RYR2: variants seen among roughly 807,000 people sequenced by gnomAD.
RYR2 encodes cardiac muscle ryanodine receptor-calcium release channel.
A neutral mutation model predicts 601.1 loss-of-function variants in RYR2; 227 were observed. The ratio of observed to expected loss-of-function variants is 0.38; its 90% CI spans 0.34 to 0.42. The LOEUF is 0.42. Ranked by LOEUF, RYR2 falls within the 10% of genes least tolerant of loss-of-function variation. RYR2 has a pLI of 1.00. For missense variants in RYR2, 4,646 were observed against 6,156.5 expected, an observed-to-expected ratio of 0.75 and a Z score of 8.21; for synonymous variants, 2,223 against 2,175.1, an observed-to-expected ratio of 1.02 and a Z score of -0.61.
intron 1 of RYR2, among the ~76,000 whole-genome samples, chr1:237,072,214 G>C (rs1664440058): frequency 6.6e-6 from 1 of 152,230 alleles, no homozygotes; most frequent in Non-Finnish European, 1.5e-5. Context: ...CGCCCCGGTT[G>C]TGCCTCCCCC....
chr1:237,506,469 C>A (rs1029890299), intron 22 of RYR2, among the ~76,000 whole-genome samples: 4 of 150,722 alleles, frequency 2.7e-5, no homozygotes, highest in Non-Finnish European at 4.4e-5. Context: ...ACCCGAGAGG[C>A]GGAGCTTGCA....
chr1:237,100,840 G>T (rs1668005447), intron 1 of RYR2, among the ~76,000 whole-genome samples: 1 of 152,106 alleles, frequency 6.6e-6, no homozygotes, highest in East Asian at 1.9e-4. Flanking sequence ...AGTTATCCCG[G>T]CCCCTGGGAA....
chr1:237,129,320 G>A lies in RYR2; in HGVS notation c.48+86751G>A, dbSNP rs571827994. On this transcript the variant is annotated intron_variant, in intron 1 of 104. Coordinates refer to ENST00000366574, the MANE Select transcript of RYR2 (RefSeq NM_001035.3). The stretch of plus-strand genomic sequence containing the variant: ...TTTTGGACACATATTCCTGTTGAAG[G>A]CAACCAAGAAGCCCAGATAAAGTCT... Among the ~76,000 whole-genome samples, 24 of 152,294 alleles carry A rather than the reference G, an allele frequency of 1.6e-4. No individual in the cohort carries two copies. In the East Asian group the frequency reaches 3.9e-3, roughly 24 times the overall value.
intron 99 of RYR2, 142 bp from the exon 100 acceptor site, chr1:237,808,759 T>G: frequency 3.2e-6 from 2 of 630,430 alleles, no homozygotes; most frequent in Non-Finnish European, 5.5e-6. Flanking sequence ...CTAAGAAAGG[T>G]GAGAAATAAG....
Position 237,355,296 on chromosome 1 carries a change from G to A in RYR2, c.274-669G>A, listed in dbSNP as rs528596441. 1.1e-4 allele frequency among the ~76,000 whole-genome samples: 16 copies of A among 152,174 alleles called. No homozygotes were observed. The East Asian group carries it at 1.2e-3, about 11-fold the overall frequency. On this transcript the variant is annotated intron_variant, in intron 3 of 104. Transcript: ENST00000366574. ...ATTTATTTGCAAGGAATCCTAGGGC[G>A]TTGTAGAGACAGTCTTTGTTGACAT... is the stretch of plus-strand genomic sequence containing the variant.
intron 80 of RYR2, among the ~76,000 whole-genome samples, chr1:237,755,819 C>T (rs1692904635): frequency 6.6e-6 from 1 of 152,148 alleles, no homozygotes; most frequent in South Asian, 2.1e-4. Flanking sequence ...TTCAATTTTA[C>T]TTAAACTTCA....
intron 1 of RYR2, among the ~76,000 whole-genome samples, chr1:237,176,242 G>GAA (rs143853577): frequency 0.018 from 2,513 of 140,204 alleles, 53 homozygotes; most frequent in African/African-American, 0.043. Flanking sequence ...GTCTCTTAAT[G>GAA]AAAAAAATAT....
chr1:237,660,362 A>G (rs1683663657), intron 55 of RYR2, among the ~76,000 whole-genome samples: 1 of 151,774 alleles, frequency 6.6e-6, no homozygotes, highest in African/African-American at 2.4e-5. Context: ...AAATCTTCTT[A>G]TCATGCTTAA....
intron 14 of RYR2, among the ~76,000 whole-genome samples, chr1:237,453,341 A>G (rs986163432): frequency 6.6e-6 from 1 of 152,150 alleles, no homozygotes; most frequent in African/African-American, 2.4e-5. Flanking sequence ...GCTGAAATCA[A>G]ATATTCCAAA....
At chr1:237,496,838 G>A in intron 20 of RYR2, 86 bp downstream of exon 20, 1 of 1,458,898 alleles carries the variant, frequency 6.9e-7, no homozygotes, top group Non-Finnish European at 9.3e-7. Flanking sequence ...CTTCCATTAG[G>A]TACTTCTATA....
At position 237,256,114 on chromosome 1, in the gene RYR2, G is replaced by A. The variant is rs185716625; in HGVS notation, c.49-14383G>A. Among the ~76,000 whole-genome samples, 589 of 152,052 alleles carry A rather than the reference G, an allele frequency of 3.9e-3. 4 individuals are homozygous for A. Among genetic ancestry groups the A allele is most frequent in the African/African-American group, 0.013 (541 of 41,446 alleles). Reference sequence around the variant, plus strand: ...TCAGTGGGAGATAATTGAATCATAGGGGCAGTTTCCCCCATACTGTTATGG... The same window carrying A: ...TCAGTGGGAGATAATTGAATCATAGAGGCAGTTTCCCCCATACTGTTATGG... On this transcript the variant is annotated intron_variant, in intron 1 of 104. Coordinates refer to ENST00000366574, the MANE Select transcript of RYR2 (RefSeq NM_001035.3).
At chr1:237,566,884 T>C (rs1672143062) in intron 28 of RYR2, 109 bp downstream of exon 28, 3 of 1,093,272 alleles carry the variant, frequency 2.7e-6, no homozygotes, top group Admixed American at 3.9e-5. Flanking sequence ...AGCACAAACG[T>C]GGAAAAATAT....
At chr1:237,550,721 G>A (rs1430330928) in intron 27 of RYR2, 30 bp downstream of exon 27, 1 of 1,533,260 alleles carries the variant, frequency 6.5e-7, no homozygotes, top group Non-Finnish European at 8.8e-7. Context: ...CTCTTCTTCG[G>A]TTGCAAGATG....
chr1:237,691,336 A>G (rs893828835), intron 63 of RYR2, among the ~76,000 whole-genome samples: 1 of 152,162 alleles, frequency 6.6e-6, no homozygotes, highest in African/African-American at 2.4e-5. Flanking sequence ...ACAGGACAGG[A>G]GCATTAAAAA....
At chr1:237,236,800 A>G (rs1300273335) in intron 1 of RYR2, among the ~76,000 whole-genome samples, 2 of 152,224 alleles carry the variant, frequency 1.3e-5, no homozygotes, top group Non-Finnish European at 2.9e-5. Context: ...GGAATTATCT[A>G]CAATATAAGA....
Position 237,660,080 on chromosome 1 carries a change from GA to G in RYR2, c.8298+7del, listed in dbSNP as rs1456667924. On this transcript the variant is annotated splice_region_variant and intron_variant, in intron 55 of 104. Coordinates refer to ENST00000366574, the MANE Select transcript of RYR2 (RefSeq NM_001035.3). ...ATAAGCTATTGTCTGAAAAGGTAAG[GA>G]TTTTTTGTTTGTTTTAGTTTGTAAA... 2 of 1,473,546 alleles carry G rather than the reference GA, an allele frequency of 1.4e-6. No individual in the cohort carries two copies. Among genetic ancestry groups the G allele is most frequent in the Non-Finnish European group, 1.8e-6 (2 of 1,106,818 alleles). 91.3% of individuals were successfully genotyped at this position (1,473,546 alleles called of 1,614,324 possible). A position where few individuals can be genotyped will look rare whatever the true frequency, so the allele number is the denominator to read the frequency against.
chr1:237,724,824 T>TA (rs1690066864), intron 74 of RYR2, among the ~76,000 whole-genome samples: 1 of 152,098 alleles, frequency 6.6e-6, no homozygotes, highest in South Asian at 2.1e-4. Context: ...TACATATATA[T>TA]AGATTTGCTT....
At chr1:237,739,648 G>T (rs1691443681) in intron 79 of RYR2, among the ~76,000 whole-genome samples, 1 of 152,030 alleles carries the variant, frequency 6.6e-6, no homozygotes, top group African/African-American at 2.4e-5. Flanking sequence ...ATTCTTTCTT[G>T]GTTAAAAGTA....
chr1:237,515,576 A>G (rs1292598477), intron 24 of RYR2, among the ~76,000 whole-genome samples: 1 of 151,788 alleles, frequency 6.6e-6, no homozygotes, highest in Admixed American at 6.6e-5. Flanking sequence ...TGTCCAAGAG[A>G]GCAAGTTAGT....
Sources: allele counts gnomAD v4.1 joint callset (sites outside exome capture counted in the v4.1 genomes callset), GRCh38; gene constraint gnomAD v4.1.1; transcripts MANE v1.5; gene names NCBI Gene and HGNC (gene_info 2026-07-23, HGNC 2026-07-21).